CACNB2: variants seen among roughly 807,000 people sequenced by gnomAD.
CACNB2 encodes calcium voltage-gated channel auxiliary subunit beta 2, also known as voltage-dependent L-type calcium channel subunit beta-2.
Under a neutral mutation model 73.3 loss-of-function variants are expected in CACNB2, and 42 were observed. That is an observed-to-expected ratio of 0.57 (90% CI 0.45 to 0.74). The LOEUF is 0.74. Ranked by LOEUF, CACNB2 falls within the 30% of genes least tolerant of loss-of-function variation. CACNB2 has a pLI of 0.00. For missense variants in CACNB2, 940 were observed against 853.0 expected, an observed-to-expected ratio of 1.10 and a Z score of -1.27; for synonymous variants, 348 against 310.3, an observed-to-expected ratio of 1.12 and a Z score of -1.28.
chr10:18,417,125 C>G (rs1406861592), intron 3 of CACNB2, among the ~76,000 whole-genome samples: 1 of 141,608 alleles, frequency 7.1e-6, no homozygotes, highest in Non-Finnish European at 1.5e-5. Flanking sequence ...TTTTTTTTTT[C>G]TCTTTAACTA....
At chr10:18,451,121 T>G (rs1273901199) in intron 3 of CACNB2, among the ~76,000 whole-genome samples, 1 of 152,186 alleles carries the variant, frequency 6.6e-6, no homozygotes, top group Admixed American at 6.5e-5. Flanking sequence ...GGGGGAAAAT[T>G]AGTGCAGAGC....
intron 2 of CACNB2, chr10:18,260,732 G>A: frequency 1.0e-6 from 1 of 1,001,052 alleles, no homozygotes; most frequent in Non-Finnish European, 1.2e-6. Flanking sequence ...GCATTGTGAA[G>A]AAGGCAATCA....
intron 3 of CACNB2, among the ~76,000 whole-genome samples, chr10:18,470,568 A>G (rs146445114): frequency 5.9e-4 from 90 of 151,898 alleles, no homozygotes; most frequent in African/African-American, 1.9e-3. Context: ...TATATACACT[A>G]TATCTCTCAC....
chr10:18,217,329 C>T (rs969926391), intron 2 of CACNB2, among the ~76,000 whole-genome samples: 1 of 151,954 alleles, frequency 6.6e-6, no homozygotes, highest in Non-Finnish European at 1.5e-5. Flanking sequence ...CCTGAAAATA[C>T]AAAAATTAAC....
At chr10:18,538,417 G>A (rs1564674933) in intron 13 of CACNB2, 52 bp downstream of exon 13, 6 of 1,545,104 alleles carry the variant, frequency 3.9e-6, no homozygotes, top group Non-Finnish European at 5.4e-6. Flanking sequence ...TAGAAAAAAG[G>A]TTGCCTATGG....
At chr10:18,233,378 T>C (rs1392581227) in intron 2 of CACNB2, among the ~76,000 whole-genome samples, 1 of 151,546 alleles carries the variant, frequency 6.6e-6, no homozygotes, top group Admixed American at 6.6e-5. Context: ...TAACTGGTAA[T>C]TTTTTTTTAT....
intron 2 of CACNB2, among the ~76,000 whole-genome samples, chr10:18,152,423 G>C (rs2031639872): frequency 6.6e-6 from 1 of 152,078 alleles, no homozygotes; most frequent in African/African-American, 2.4e-5. Context: ...CTCAACCCTA[G>C]AGCTATGTTC....
intron 6 of CACNB2, among the ~76,000 whole-genome samples, chr10:18,508,896 T>C (rs1163579143): frequency 2.6e-5 from 4 of 152,220 alleles, no homozygotes; most frequent in African/African-American, 9.6e-5. Context: ...TGCTGCATTT[T>C]GAAGAACAAG....
chr10:18,533,360 A>G (rs2053252383), intron 10 of CACNB2: 1 of 152,236 alleles, frequency 6.6e-6, no homozygotes. Flanking sequence ...AAATTCGGTC[A>G]GACAGTCCGG....
At chr10:18,368,513 A>T (rs1207041722) in intron 2 of CACNB2, among the ~76,000 whole-genome samples, 3 of 152,194 alleles carry the variant, frequency 2.0e-5, no homozygotes, top group Non-Finnish European at 4.4e-5. Flanking sequence ...CAGAATTTTC[A>T]AACTATTTAA....
intron 2 of CACNB2, among the ~76,000 whole-genome samples, chr10:18,167,887 G>A (rs73593770): frequency 0.086 from 13,051 of 152,140 alleles, 631 homozygotes; most frequent in East Asian, 0.15. Flanking sequence ...AAAACCCTGT[G>A]TTTACTACAC....
intron 2 of CACNB2, among the ~76,000 whole-genome samples, chr10:18,285,798 A>G (rs1009987997): frequency 6.6e-6 from 1 of 152,172 alleles, no homozygotes; most frequent in Non-Finnish European, 1.5e-5. Context: ...TTGACATACT[A>G]TAAACTCGAT....
intron 2 of CACNB2, among the ~76,000 whole-genome samples, chr10:18,166,309 G>A (rs1350344939): frequency 1.3e-5 from 2 of 151,958 alleles, no homozygotes; most frequent in Non-Finnish European, 2.9e-5. Context: ...AGGCTGAAGT[G>A]CAGTGGCACA....
chr10:18,177,333 A>C (rs2033652768), intron 2 of CACNB2, among the ~76,000 whole-genome samples: 1 of 151,970 alleles, frequency 6.6e-6, no homozygotes, highest in Non-Finnish European at 1.5e-5. Context: ...TTTAACCAAG[A>C]AAGAGGCTGG....
intron 2 of CACNB2, among the ~76,000 whole-genome samples, chr10:18,170,726 C>T (rs1034133911): frequency 3.3e-5 from 5 of 152,168 alleles, no homozygotes; most frequent in Non-Finnish European, 5.9e-5. Context: ...GCAGCACTGA[C>T]GTGCTAGAGG....
At chr10:18,335,726 A>G (rs2040975821) in intron 2 of CACNB2, among the ~76,000 whole-genome samples, 1 of 150,982 alleles carries the variant, frequency 6.6e-6, no homozygotes, top group Admixed American at 6.6e-5. Context: ...GTTTTTCTCT[A>G]TATGTTCTTA....
intron 2 of CACNB2, among the ~76,000 whole-genome samples, chr10:18,359,755 C>T (rs979859446): frequency 6.6e-6 from 1 of 151,872 alleles, no homozygotes; most frequent in Non-Finnish European, 1.5e-5. Context: ...CCTCCTCTAG[C>T]CCCCCACCCC....
rs748413182 is a variant in CACNB2 at position 18,500,959 on chromosome 10, G to C, written c.593+11G>C. The C allele has an allele frequency of 3.1e-6, 5 of 1,613,218 alleles. No individual in the cohort carries two copies. In the African/African-American group the frequency reaches 6.7e-5, roughly 22 times the overall value. Reference sequence around the variant, plus strand: ...GAAATTCTACTCCAGGTATGAGACAGATGTCAAGTGTTTGCATAAAACTTA... The same window carrying C: ...GAAATTCTACTCCAGGTATGAGACACATGTCAAGTGTTTGCATAAAACTTA... On this transcript the variant is annotated intron_variant, in intron 5 of 13. Transcript: ENST00000324631.
At chr10:18,174,273 CCTCTCT>C (rs1173950631) in intron 2 of CACNB2, among the ~76,000 whole-genome samples, 2 of 132,000 alleles carry the variant, frequency 1.5e-5, no homozygotes, top group Admixed American at 7.7e-5. Flanking sequence ...CCTCCCTCTC[CCTCTCT>C]CTCTTTCTCT....
Sources: gnomAD v4.1 joint callset for allele counts (sites outside exome capture counted in the v4.1 genomes callset) on GRCh38, gnomAD v4.1.1 for gene constraint, MANE v1.5 for transcripts, NCBI Gene and HGNC (gene_info 2026-07-23, HGNC 2026-07-21) for gene names.